Variants in TMEM132C observed in about 807,000 individuals in gnomAD.
TMEM132C encodes the protein transmembrane protein 132C.
A neutral mutation model predicts 61.4 loss-of-function variants in TMEM132C; 29 were observed. The ratio of observed to expected loss-of-function variants is 0.47; its 90% CI spans 0.35 to 0.64. The LOEUF (loss-of-function observed/expected upper bound fraction) is 0.64. Among genes scored for constraint, TMEM132C ranks in the 30% least tolerant of loss-of-function variants. TMEM132C has a pLI of 0.00. For synonymous variants in TMEM132C, 656 were observed against 633.1 expected (o/e 1.04, Z -0.54); for missense variants, 1,408 against 1,476.9 (o/e 0.95, Z 0.76).
intron 1 of TMEM132C, among the ~76,000 whole-genome samples, chr12:128,283,488 C>A (rs1870961445): frequency 6.6e-6 from 1 of 152,152 alleles, no homozygotes; most frequent in African/African-American, 2.4e-5. Flanking sequence ...CTTCCTCTCT[C>A]ATTACCTCTC....
chr12:128,581,988 C>A (rs1057332115), intron 3 of TMEM132C, among the ~76,000 whole-genome samples: 1 of 152,204 alleles, frequency 6.6e-6, no homozygotes, highest in Non-Finnish European at 1.5e-5. Context: ...CCACACCCAA[C>A]TCTGTGGCAG....
intron 1 of TMEM132C, among the ~76,000 whole-genome samples, chr12:128,308,130 C>T (rs150766082): frequency 9.2e-5 from 14 of 152,242 alleles, no homozygotes; most frequent in South Asian, 4.2e-4. Context: ...TGCAGGTGGC[C>T]GTCTTTCCTA....
intron 1 of TMEM132C, among the ~76,000 whole-genome samples, chr12:128,382,775 T>C (rs546022048): frequency 6.6e-6 from 1 of 152,380 alleles, no homozygotes; most frequent in South Asian, 2.1e-4. Flanking sequence ...TCTAATTTTC[T>C]GCTAAAACAC....
chr12:128,674,574 G>T (rs1453153225), intron 5 of TMEM132C, among the ~76,000 whole-genome samples: 10 of 152,154 alleles, frequency 6.6e-5, no homozygotes. Flanking sequence ...ATTCTCACGA[G>T]TCATATCTGA....
chr12:128,408,148 A>G (rs756524869), intron 1 of TMEM132C, among the ~76,000 whole-genome samples: 93 of 152,292 alleles, frequency 6.1e-4, no homozygotes, highest in Non-Finnish European at 1.1e-3. Flanking sequence ...ACTTTTCCTC[A>G]TGTGAAGGAT....
chr12:128,320,068 T>A (rs1336544172), intron 1 of TMEM132C, among the ~76,000 whole-genome samples: 2 of 152,172 alleles, frequency 1.3e-5, no homozygotes, highest in African/African-American at 2.4e-5. Flanking sequence ...TATAGTCCAA[T>A]AAGGCACAAC....
intron 4 of TMEM132C, among the ~76,000 whole-genome samples, chr12:128,642,977 T>C (rs1434434663): frequency 3.9e-4 from 59 of 152,214 alleles, no homozygotes; most frequent in Non-Finnish European, 1.2e-4. Flanking sequence ...GGGCAGGAAA[T>C]GTTTGTGTCT....
chr12:128,476,422 G>A (rs1871158100), intron 2 of TMEM132C, among the ~76,000 whole-genome samples: 2 of 152,174 alleles, frequency 1.3e-5, no homozygotes, highest in African/African-American at 4.8e-5. Context: ...GACTCCGGGA[G>A]GTTGTAATGG....
intron 1 of TMEM132C, among the ~76,000 whole-genome samples, chr12:128,349,102 C>T (rs1873258914): frequency 6.6e-6 from 1 of 152,172 alleles, no homozygotes; most frequent in African/African-American, 2.4e-5. Flanking sequence ...CTCCCAGGTT[C>T]AAGTGATTCT....
chr12:128,472,070 A>T (rs1461455297), intron 2 of TMEM132C, among the ~76,000 whole-genome samples: 1 of 152,128 alleles, frequency 6.6e-6, no homozygotes, highest in East Asian at 1.9e-4. Flanking sequence ...GTGCTTCCCC[A>T]AGAGACCTGC....
At chr12:128,607,908 T>C (rs1308933198) in intron 3 of TMEM132C, among the ~76,000 whole-genome samples, 1 of 152,178 alleles carries the variant, frequency 6.6e-6, no homozygotes, top group Non-Finnish European at 1.5e-5. Flanking sequence ...CCCAGGGCAT[T>C]GACTCCAAAG....
intron 3 of TMEM132C, among the ~76,000 whole-genome samples, chr12:128,561,363 G>A (rs1874512305): frequency 6.6e-6 from 1 of 152,126 alleles, no homozygotes; most frequent in Admixed American, 6.5e-5. Flanking sequence ...AGACTTGCAG[G>A]GAGCAGGAAA....
intron 1 of TMEM132C, chr12:128,399,999 T>C (rs1875094792): frequency 6.6e-6 from 1 of 152,248 alleles, no homozygotes; most frequent in South Asian, 2.1e-4. Context: ...AACTATCTAC[T>C]GCCTGGGCCT....
At chr12:128,691,033 G>C (rs2135650130) in intron 5 of TMEM132C, among the ~76,000 whole-genome samples, 1 of 152,336 alleles carries the variant, frequency 6.6e-6, no homozygotes, top group African/African-American at 2.4e-5. Context: ...CCCCCCAGAA[G>C]GGGACTCTGT....
At chr12:128,487,059 G>A (rs1282789968) in intron 2 of TMEM132C, among the ~76,000 whole-genome samples, 1 of 152,192 alleles carries the variant, frequency 6.6e-6, no homozygotes, top group Non-Finnish European at 1.5e-5. Context: ...AGCCAAAGTG[G>A]AGAAAGGGGT....
intron 2 of TMEM132C, among the ~76,000 whole-genome samples, chr12:128,533,170 C>T (rs1243009022): frequency 6.6e-6 from 1 of 152,170 alleles, no homozygotes; most frequent in East Asian, 1.9e-4. Context: ...TGACCAGAGG[C>T]TTTCCTGCGC....
At chr12:128,292,600 G>A (rs1207598033) in intron 1 of TMEM132C, among the ~76,000 whole-genome samples, 2 of 151,514 alleles carry the variant, frequency 1.3e-5, no homozygotes, top group East Asian at 3.9e-4. Flanking sequence ...CCTAGATGAG[G>A]TATTCATAAG....
intron 1 of TMEM132C, among the ~76,000 whole-genome samples, chr12:128,294,874 A>G (rs1305568412): frequency 1.3e-5 from 2 of 152,178 alleles, no homozygotes; most frequent in Non-Finnish European, 2.9e-5. Flanking sequence ...AAAGACGTTT[A>G]GAACACAGCC....
intron 2 of TMEM132C, among the ~76,000 whole-genome samples, chr12:128,454,260 T>C (rs923130450): frequency 8.5e-5 from 13 of 152,214 alleles, no homozygotes; most frequent in Non-Finnish European, 8.8e-5. Context: ...CACATATTAA[T>C]CCACAGGAGG....
Sources: allele counts gnomAD v4.1 joint callset (sites outside exome capture counted in the v4.1 genomes callset), GRCh38; gene constraint gnomAD v4.1.1; transcripts MANE v1.5; gene names NCBI Gene and HGNC (gene_info 2026-07-23, HGNC 2026-07-21).